Variants in AMZ2 observed in about 807,000 individuals in gnomAD.
The protein encoded by AMZ2 is archaelysin family metallopeptidase 2.
A neutral mutation model predicts 36.7 loss-of-function variants in AMZ2; 26 were observed. The ratio of observed to expected loss-of-function variants is 0.71; its 90% confidence interval spans 0.52 to 0.98. The LOEUF is 0.98. Among genes scored for constraint, AMZ2 ranks in the 50% least tolerant of loss-of-function variants. AMZ2 has a pLI of 0.00. For missense variants in AMZ2, 394 were observed against 430.5 expected (o/e 0.92, Z 0.75); for synonymous variants, 144 against 149.1 (o/e 0.97, Z 0.25).
At chr17:68,215,063 C>T (rs1461853267) in intron 1 of AMZ2, among the ~76,000 whole-genome samples, 2 of 152,162 alleles carry the variant, frequency 1.3e-5, no homozygotes, top group African/African-American at 2.4e-5. Flanking sequence ...GGATTATAGG[C>T]GTGAGCCACT....
At chr17:68,214,232 G>A (rs1421539764) in intron 1 of AMZ2, among the ~76,000 whole-genome samples, 2 of 152,062 alleles carry the variant, frequency 1.3e-5, no homozygotes, top group Non-Finnish European at 2.9e-5. Flanking sequence ...ACCATTGGAT[G>A]ATTTTCATTG....
intron 1 of AMZ2, among the ~76,000 whole-genome samples, chr17:68,213,586 G>C (rs1599273573): frequency 6.6e-6 from 1 of 152,178 alleles, no homozygotes; most frequent in East Asian, 1.9e-4. Context: ...GCTGTCTATG[G>C]TGTTCTGCAG....
intron 4 of AMZ2, among the ~76,000 whole-genome samples, chr17:68,253,359 G>T (rs1235133396): frequency 1.3e-5 from 2 of 152,184 alleles, no homozygotes; most frequent in Non-Finnish European, 2.9e-5. Context: ...CTGAACGAGA[G>T]ACATAAATAA....
intron 1 of AMZ2, among the ~76,000 whole-genome samples, chr17:68,216,286 A>C (rs1289320737): frequency 2.0e-5 from 3 of 152,090 alleles, no homozygotes; most frequent in Non-Finnish European, 4.4e-5. Context: ...GGCATGTGCC[A>C]CCACGCCCAG....
At chr17:68,207,787 A>G (rs1235586750) in intron 1 of AMZ2, among the ~76,000 whole-genome samples, 1 of 152,068 alleles carries the variant, frequency 6.6e-6, no homozygotes, top group Admixed American at 6.5e-5. Flanking sequence ...CCGCCACTGT[A>G]CTGTGGGAGC....
At chr17:68,220,187 A>G (rs1330911328) in intron 1 of AMZ2, among the ~76,000 whole-genome samples, 1 of 152,206 alleles carries the variant, frequency 6.6e-6, no homozygotes, top group African/African-American at 2.4e-5. Flanking sequence ...GAATCACAAA[A>G]TATTTTGTCT....
chr17:68,225,838 G>A (rs549941419), intron 1 of AMZ2, among the ~76,000 whole-genome samples: 16 of 152,074 alleles, frequency 1.1e-4, no homozygotes, highest in Admixed American at 3.3e-4. Flanking sequence ...TGTCCAGGCC[G>A]GTCTCGAACT....
At chr17:68,219,166 C>T (rs1208631301) in intron 1 of AMZ2, among the ~76,000 whole-genome samples, 1 of 152,132 alleles carries the variant, frequency 6.6e-6, no homozygotes, top group Non-Finnish European at 1.5e-5. Context: ...AGGGTTTCAC[C>T]ATGTTGGCCA....
chr17:68,227,374 G>A (rs1279328136), intron 1 of AMZ2, among the ~76,000 whole-genome samples: 3 of 152,194 alleles, frequency 2.0e-5, no homozygotes, highest in African/African-American at 7.2e-5. Flanking sequence ...TGAGTTCAGA[G>A]CCTGGGATTT....
intron 1 of AMZ2, among the ~76,000 whole-genome samples, chr17:68,209,896 C>T (rs375687747): frequency 6.6e-6 from 1 of 151,874 alleles, no homozygotes; most frequent in East Asian, 1.9e-4. Flanking sequence ...GCTGGGATTA[C>T]AGGCTTGAGC....
chr17:68,212,131 G>C (rs1481748835), intron 1 of AMZ2, among the ~76,000 whole-genome samples: 1 of 152,120 alleles, frequency 6.6e-6, no homozygotes, highest in African/African-American at 2.4e-5. Flanking sequence ...AGCACTTTGG[G>C]AGGCCAAGGT....
chr17:68,211,891 C>T (rs1244324185), intron 1 of AMZ2, among the ~76,000 whole-genome samples: 1 of 138,006 alleles, frequency 7.2e-6, no homozygotes, highest in African/African-American at 2.6e-5. Context: ...TATATATATG[C>T]CTTGAGTCTT....
intron 1 of AMZ2, among the ~76,000 whole-genome samples, chr17:68,212,210 A>G (rs1555726250): frequency 6.6e-6 from 1 of 152,154 alleles, no homozygotes; most frequent in African/African-American, 2.4e-5. Context: ...CTTTTCTACA[A>G]AAAATACAAA....
At chr17:68,255,328 AG>A (rs2074818052) in intron 5 of AMZ2, among the ~76,000 whole-genome samples, 1 of 152,046 alleles carries the variant, frequency 6.6e-6, no homozygotes, top group African/African-American at 2.4e-5. Flanking sequence ...TTTGCCATCC[AG>A]GGAATATTAG....
chr17:68,228,506 G>C (rs1555730432), intron 1 of AMZ2, among the ~76,000 whole-genome samples: 1 of 152,130 alleles, frequency 6.6e-6, no homozygotes, highest in Admixed American at 6.5e-5. Context: ...GTCCCTTCCT[G>C]AGCCCTGCCC....
chr17:68,217,573 T>A (rs2073231147), intron 1 of AMZ2, among the ~76,000 whole-genome samples: 1 of 152,212 alleles, frequency 6.6e-6, no homozygotes, highest in Non-Finnish European at 1.5e-5. Context: ...TTTACATCTT[T>A]TATGAAAATG....
At chr17:68,242,510 C>T (rs1303737469) in intron 1 of AMZ2, among the ~76,000 whole-genome samples, 1 of 152,006 alleles carries the variant, frequency 6.6e-6, no homozygotes, top group Non-Finnish European at 1.5e-5. Context: ...CTCCCAGGTT[C>T]AAGTGATTCT....
intron 1 of AMZ2, among the ~76,000 whole-genome samples, chr17:68,227,831 G>A (rs148228483): frequency 8.5e-5 from 13 of 152,110 alleles, no homozygotes; most frequent in Non-Finnish European, 1.5e-4. Context: ...GTAAGACCCC[G>A]TCTCTACAAA....
At chr17:68,240,144 T>G (rs1555733709) in intron 1 of AMZ2, among the ~76,000 whole-genome samples, 1 of 152,200 alleles carries the variant, frequency 6.6e-6, no homozygotes, top group Non-Finnish European at 1.5e-5. Flanking sequence ...TCAGAGATAG[T>G]GTCTTCTTGC....
Sources: allele counts gnomAD v4.1 joint callset (sites outside exome capture counted in the v4.1 genomes callset), GRCh38; gene constraint gnomAD v4.1.1; transcripts MANE v1.5; gene names NCBI Gene and HGNC (gene_info 2026-07-23, HGNC 2026-07-21).